The following GUCY1B1 variants were observed in gnomAD, a reference collection of about 807,000 sequenced individuals.
GUCY1B1 encodes the protein guanylate cyclase 1 soluble subunit beta 1.
Under a neutral mutation model 71.0 loss-of-function variants are expected in GUCY1B1, and 43 were observed. The observed-to-expected ratio is 0.61, with a 90% CI of 0.47 to 0.78. GUCY1B1 has a LOEUF of 0.78. Ranked by LOEUF, GUCY1B1 falls within the 30% of genes least tolerant of loss-of-function variation. The probability of loss-of-function intolerance (pLI) is 0.00; values close to 1 mark genes in which losing one functional copy is unlikely to be tolerated. For missense variants in GUCY1B1, 535 were observed against 754.1 expected (o/e 0.71, Z 3.40); for synonymous variants, 266 against 259.7 (o/e 1.02, Z -0.23).
At chr4:155,795,489 AAAGG>A in intron 7 of GUCY1B1, 32 bp downstream of exon 7, 1 of 1,032,686 alleles carries the variant, frequency 9.7e-7, no homozygotes, top group Non-Finnish European at 1.5e-6. Flanking sequence ...TAAATGTGAG[AAAGG>A]TATGTCACAA....
intron 9 of GUCY1B1, among the ~76,000 whole-genome samples, chr4:155,801,764 T>C (rs1299388369): frequency 6.6e-6 from 1 of 152,192 alleles, no homozygotes; most frequent in African/African-American, 2.4e-5. Context: ...GTAGTCTCAG[T>C]TGTACCTAAA....
intron 4 of GUCY1B1, among the ~76,000 whole-genome samples, chr4:155,781,004 T>C (rs1010498387): frequency 2.7e-4 from 41 of 152,290 alleles, no homozygotes; most frequent in Middle Eastern, 3.4e-3. Context: ...TCACTCATCA[T>C]AGCAAGCAGA....
At chr4:155,792,547 T>C (rs970092086) in intron 5 of GUCY1B1, among the ~76,000 whole-genome samples, 13 of 151,830 alleles carry the variant, frequency 8.6e-5, no homozygotes, top group African/African-American at 2.4e-5. Flanking sequence ...CCAGTTTTGC[T>C]ACAAAATATA....
intron 3 of GUCY1B1, among the ~76,000 whole-genome samples, chr4:155,776,328 G>GA (rs960522969): frequency 4.6e-5 from 7 of 151,866 alleles, no homozygotes; most frequent in Non-Finnish European, 8.8e-5. Context: ...ATCAAAAACT[G>GA]AAAAAAAGCC....
intron 5 of GUCY1B1, among the ~76,000 whole-genome samples, chr4:155,791,119 C>CTT (rs929977568): frequency 2.8e-5 from 4 of 143,602 alleles, no homozygotes; most frequent in African/African-American, 5.1e-5. Context: ...CATTTCCAAT[C>CTT]TTTTTTTTTT....
In GUCY1B1 at chr4:155,802,286, AC is replaced by A. The variant is rs771344709; in HGVS notation, c.1176-55del. The A allele has an allele frequency of 4.4e-6, 7 of 1,606,800 alleles. No individual in the cohort carries two copies. The highest frequency in any genetic ancestry group is 5.9e-6 in the Non-Finnish European group (7 of 1,177,084). ...GCTGTGTGAAAAGGACAGCAGAAGC[AC>A]TAAAGGCTTTCCCAGTATTTCTTAC... On this transcript the variant is annotated intron_variant, in intron 9 of 13. Transcript: ENST00000264424. This position sits in a 1 kb window ranked among gnomAD's most constrained non-coding sequence, Gnocchi z 4.3.
At chr4:155,779,144 TG>T (rs1290641915) in intron 4 of GUCY1B1, among the ~76,000 whole-genome samples, 2 of 152,004 alleles carry the variant, frequency 1.3e-5, no homozygotes, top group Non-Finnish European at 2.9e-5. Context: ...ATGTGCAAAC[TG>T]GGGAGTGGCT....
chr4:155,804,109 G>A (rs193070345), intron 11 of GUCY1B1, among the ~76,000 whole-genome samples: 4 of 152,232 alleles, frequency 2.6e-5, no homozygotes, highest in African/African-American at 9.6e-5. Context: ...TCTTGAGATA[G>A]GATATTTCCC....
intron 9 of GUCY1B1, among the ~76,000 whole-genome samples, chr4:155,801,073 A>G (rs1024958826): frequency 8.5e-5 from 13 of 152,200 alleles, no homozygotes; most frequent in Non-Finnish European, 1.6e-4. Flanking sequence ...CTGTACTGAA[A>G]AAGCTCTTAA....
chr4:155,766,169 G>A (rs1434370066), intron 2 of GUCY1B1, among the ~76,000 whole-genome samples: 1 of 152,012 alleles, frequency 6.6e-6, no homozygotes, highest in African/African-American at 2.4e-5. Flanking sequence ...CCAAAGAATA[G>A]AGCACACACA....
intron 4 of GUCY1B1, 94 bp downstream of exon 4, chr4:155,777,736 G>C (rs574399020): frequency 1.6e-6 from 1 of 634,426 alleles, no homozygotes; most frequent in Non-Finnish European, 2.8e-6. Context: ...CTGTACAAGA[G>C]TGTCTTGCTT....
In GUCY1B1 at chr4:155,793,401, A is replaced by G. The variant is rs542164132; in HGVS notation, c.496-455A>G. 3.0e-4 allele frequency among the ~76,000 whole-genome samples: 46 copies of G among 152,242 alleles called. 1 individual carries two copies. The highest frequency in any genetic ancestry group is 2.3e-3 in the Admixed American group (35 of 15,294). Reference sequence around the variant, plus strand: ...CTGGTATTGTAACTTTATGTATTTGATAGTTGATGGTTAAAAATGACATTG... The same window carrying G: ...CTGGTATTGTAACTTTATGTATTTGGTAGTTGATGGTTAAAAATGACATTG... On this transcript the variant is annotated intron_variant, in intron 5 of 13. Coordinates refer to ENST00000264424, the MANE Select transcript of GUCY1B1 (RefSeq NM_000857.5).
chr4:155,786,957 A>G lies in GUCY1B1; in HGVS notation c.298-2757A>G, dbSNP rs569573799. Among the ~76,000 whole-genome samples, 269 of 152,276 alleles carry G rather than the reference A, an allele frequency of 1.8e-3. 1 individual carries two copies. The highest frequency in any genetic ancestry group is 6.2e-3 in the African/African-American group (257 of 41,572). ...CAACACAGTACCTGGGCCTGACTCT[A>G]TTAGAAACATTTTCTAAATGCAGCC... On this transcript the variant is annotated intron_variant, in intron 4 of 13. Coordinates refer to ENST00000264424, the MANE Select transcript of GUCY1B1 (RefSeq NM_000857.5).
At chr4:155,767,452 A>G (rs534465995) in intron 2 of GUCY1B1, among the ~76,000 whole-genome samples, 2 of 152,212 alleles carry the variant, frequency 1.3e-5, no homozygotes, top group East Asian at 1.9e-4. Flanking sequence ...TTGTGACTCA[A>G]AATTGGAGAA....
chr4:155,782,808 A>G (rs1473659967), intron 4 of GUCY1B1, among the ~76,000 whole-genome samples: 1 of 152,200 alleles, frequency 6.6e-6, no homozygotes, highest in Non-Finnish European at 1.5e-5. Context: ...TGGTACCTCT[A>G]GAAACCCAGA....
At chr4:155,798,172 T>A (rs906373651) in intron 8 of GUCY1B1, among the ~76,000 whole-genome samples, 3 of 152,320 alleles carry the variant, frequency 2.0e-5, no homozygotes, top group Non-Finnish European at 4.4e-5. Flanking sequence ...TGAGACATGC[T>A]CAGGTGTGTA....
Position 155,795,201 on chromosome 4 carries a change from GCTAAGTTT to G in GUCY1B1, c.727-138_727-131del, listed in dbSNP as rs1739462361. The G allele has an allele frequency of 5.8e-6, 3 of 521,122 alleles. No homozygotes were observed. The Admixed American group carries it at 1.1e-4, about 18-fold the overall frequency. 32.3% of individuals were successfully genotyped at this position (521,122 alleles called of 1,614,324 possible). On this transcript the variant is annotated intron_variant, in intron 6 of 13. Transcript: ENST00000264424. ...GATTGAGATTTGAGTTGATAGTTCA[GCTAAGTTT>G]CCCTTGAATTATAATAATTATAATT... is the stretch of plus-strand genomic sequence containing the variant.
At chr4:155,788,337 G>A (rs571334255) in intron 4 of GUCY1B1, among the ~76,000 whole-genome samples, 7 of 152,222 alleles carry the variant, frequency 4.6e-5, no homozygotes. Flanking sequence ...CCTCTCTCCA[G>A]TCCTTCAACA....
intron 4 of GUCY1B1, among the ~76,000 whole-genome samples, chr4:155,782,771 G>A (rs902841299): frequency 2.6e-5 from 4 of 152,096 alleles, no homozygotes; most frequent in Admixed American, 6.6e-5. Context: ...TTTCCTTCAG[G>A]GTATCTTGGA....
Sources: gnomAD v4.1 joint callset for allele counts (sites outside exome capture counted in the v4.1 genomes callset) on GRCh38, gnomAD v4.1.1 for gene constraint, Gnocchi (gnomAD v3.1) non-coding constraint, MANE v1.5 for transcripts, NCBI Gene and HGNC (gene_info 2026-07-23, HGNC 2026-07-21) for gene names.